The following FCHSD2 variants were observed in gnomAD, a reference collection of about 807,000 sequenced individuals.
FCHSD2 encodes F-BAR and double SH3 domains protein 2.
Under a neutral mutation model 108.1 loss-of-function variants are expected in FCHSD2, and 38 were observed. That is an observed-to-expected ratio of 0.35 (90% confidence interval 0.27 to 0.46). FCHSD2 has a LOEUF of 0.46. Ranked by LOEUF, FCHSD2 falls within the 20% of genes least tolerant of loss-of-function variation. The pLI is 1.00. For synonymous variants in FCHSD2, 279 were observed against 314.7 expected (o/e 0.89, Z 1.20); for missense variants, 751 against 897.8 (o/e 0.84, Z 2.09).
At position 72,921,920 on chromosome 11, in the gene FCHSD2, T is replaced by C; in HGVS notation, c.736A>G (p.Lys246Glu). 6.3e-7 allele frequency: 1 copy of C among 1,597,596 alleles called. No homozygotes were observed. The highest frequency in any genetic ancestry group is 8.5e-7 in the Non-Finnish European group (1 of 1,170,492). Residue 246 changes from lysine to glutamate, a missense_variant, in exon 9 of 20, where the codon AAG (lysine) becomes GAG (glutamate). Coordinates refer to ENST00000409418, the MANE Select transcript of FCHSD2 (RefSeq NM_014824.3). ...CGGCTGAAGGCTATTAAATAATCCTTGAGATGATCATACACATTTCCATCA... is the reference window on the plus strand; with the variant it reads ...CGGCTGAAGGCTATTAAATAATCCTCGAGATGATCATACACATTTCCATCA... ...ALDGNVYDHL[K>E]DYLIAFSRTE...
intron 8 of FCHSD2, among the ~76,000 whole-genome samples, chr11:72,980,571 A>C (rs750674050): frequency 2.6e-5 from 4 of 152,134 alleles, no homozygotes; most frequent in Non-Finnish European, 5.9e-5. Flanking sequence ...TTAAGCAATA[A>C]AAAAGATAGC....
chr11:73,058,781 T>C (rs1039703700), intron 3 of FCHSD2, among the ~76,000 whole-genome samples: 1 of 152,008 alleles, frequency 6.6e-6, no homozygotes, highest in Admixed American at 6.6e-5. Context: ...TTGGCCAGGC[T>C]GGTCTTGAAC....
intron 2 of FCHSD2, among the ~76,000 whole-genome samples, chr11:73,128,867 C>A (rs80354696): frequency 6.6e-6 from 1 of 152,114 alleles, no homozygotes; most frequent in African/African-American, 2.4e-5. Context: ...GCTATAATTT[C>A]TTTTTATTTT....
intron 13 of FCHSD2, among the ~76,000 whole-genome samples, chr11:72,865,522 A>T (rs944428001): frequency 1.3e-5 from 2 of 152,222 alleles, no homozygotes; most frequent in Admixed American, 1.3e-4. Flanking sequence ...AGGTCTCAAA[A>T]ATACTCATTT....
intron 3 of FCHSD2, among the ~76,000 whole-genome samples, chr11:73,083,058 C>A (rs575375751): frequency 6.6e-6 from 1 of 152,010 alleles, no homozygotes; most frequent in Admixed American, 6.6e-5. Context: ...GAACTAAATG[C>A]GTGATGAAAA....
intron 8 of FCHSD2, among the ~76,000 whole-genome samples, chr11:72,942,624 A>C (rs1286166473): frequency 6.6e-6 from 1 of 152,338 alleles, no homozygotes. Flanking sequence ...TGTACTTTTC[A>C]AATTTTCTTC....
chr11:73,052,929 C>T (rs1858935331), intron 3 of FCHSD2, among the ~76,000 whole-genome samples: 1 of 152,070 alleles, frequency 6.6e-6, no homozygotes, highest in East Asian at 1.9e-4. Flanking sequence ...TCACTGCAAC[C>T]ACCGCCTCCT....
intron 12 of FCHSD2, among the ~76,000 whole-genome samples, chr11:72,875,803 G>T (rs1025892636): frequency 6.6e-6 from 1 of 152,178 alleles, no homozygotes; most frequent in Admixed American, 6.5e-5. Flanking sequence ...GGCTAGTGGG[G>T]CATTTGCCAA....
At chr11:73,105,393 G>GTACACCCTCTATAT (rs1477577693) in intron 2 of FCHSD2, among the ~76,000 whole-genome samples, 1 of 152,012 alleles carries the variant, frequency 6.6e-6, no homozygotes, top group Non-Finnish European at 1.5e-5. Flanking sequence ...CTCTATATAA[G>GTACACCCTCTATAT]ACACCACCAT....
intron 8 of FCHSD2, among the ~76,000 whole-genome samples, chr11:72,924,662 T>C (rs1352047510): frequency 6.6e-6 from 1 of 151,860 alleles, no homozygotes; most frequent in Non-Finnish European, 1.5e-5. Context: ...TATCTTATGT[T>C]TGGCTGTTCC....
chr11:72,853,982 T>C (rs1476352540), intron 13 of FCHSD2, among the ~76,000 whole-genome samples: 1 of 152,188 alleles, frequency 6.6e-6, no homozygotes, highest in Admixed American at 6.6e-5. Flanking sequence ...TCAACATCAC[T>C]AATGATTAGG....
At chr11:72,901,857 C>T (rs974563070) in intron 10 of FCHSD2, among the ~76,000 whole-genome samples, 1 of 151,556 alleles carries the variant, frequency 6.6e-6, no homozygotes, top group Non-Finnish European at 1.5e-5. Context: ...TTTATTAATT[C>T]TATTCTGGTT....
chr11:72,926,565 A>C (rs1225381834), intron 8 of FCHSD2, among the ~76,000 whole-genome samples: 1 of 152,204 alleles, frequency 6.6e-6, no homozygotes, highest in Admixed American at 6.5e-5. Flanking sequence ...CACCCTCTCC[A>C]GGGCCTCCTC....
chr11:73,131,388 G>T (rs1050588502), intron 2 of FCHSD2, among the ~76,000 whole-genome samples: 5 of 151,328 alleles, frequency 3.3e-5, no homozygotes, highest in African/African-American at 4.9e-5. Flanking sequence ...AATTAGCCAG[G>T]CATGGTGGCG....
At chr11:73,049,514 TCA>T (rs2135473564) in intron 3 of FCHSD2, among the ~76,000 whole-genome samples, 1 of 129,116 alleles carries the variant, frequency 7.7e-6, no homozygotes, top group Admixed American at 9.5e-5. Flanking sequence ...ATTGTTTTTA[TCA>T]CACTCTGGGG....
In FCHSD2 at chr11:72,889,020, T is replaced by C. The variant is rs559517131; in HGVS notation, c.1041+809A>G. On this transcript the variant is annotated intron_variant, in intron 11 of 19. Coordinates refer to ENST00000409418, the MANE Select transcript of FCHSD2 (RefSeq NM_014824.3). ...CCCAGGTTGGAGTGCAGTGGCGTGA[T>C]CTCAGCTCACTGCAAGCTCCGCCTC... is the stretch of plus-strand genomic sequence containing the variant. 3.9e-5 allele frequency among the ~76,000 whole-genome samples: 6 copies of C among 152,300 alleles called. No individual in the cohort carries two copies. In the South Asian group the frequency reaches 1.2e-3, roughly 32 times the overall value.
intron 3 of FCHSD2, among the ~76,000 whole-genome samples, chr11:73,046,082 C>A (rs1228480304): frequency 6.7e-6 from 1 of 149,672 alleles, no homozygotes. Flanking sequence ...CTTCGAATTA[C>A]TGGACTCAAG....
intron 3 of FCHSD2, among the ~76,000 whole-genome samples, chr11:73,028,357 T>G (rs1858277916): frequency 6.6e-6 from 1 of 152,254 alleles, no homozygotes; most frequent in African/African-American, 2.4e-5. Context: ...ATTTAATAAC[T>G]GCCCTGTTAC....
intron 3 of FCHSD2, among the ~76,000 whole-genome samples, chr11:73,022,978 T>C (rs571556488): frequency 1.4e-4 from 22 of 152,204 alleles, no homozygotes; most frequent in African/African-American, 3.1e-4. Context: ...GCTAGAACAA[T>C]TGAATGACCA....
Sources: gnomAD v4.1 joint callset for allele counts (sites outside exome capture counted in the v4.1 genomes callset) on GRCh38, gnomAD v4.1.1 for gene constraint, MANE v1.5 for transcripts, NCBI Gene and HGNC (gene_info 2026-07-23, HGNC 2026-07-21) for gene names.